Variants in TMX2 observed in about 807,000 individuals in gnomAD.
TMX2 encodes thioredoxin-related transmembrane protein 2.
TMX2 carries 20 observed loss-of-function variants against 33.4 expected under a neutral mutation model. That is an observed-to-expected ratio of 0.60 (90% confidence interval 0.42 to 0.87). The LOEUF (loss-of-function observed/expected upper bound fraction) is 0.87, where lower values mean the gene tolerates loss of function less well. TMX2 is among the 40% of genes least tolerant of loss of function. The probability of loss-of-function intolerance (pLI) is 0.00; values close to 1 mark genes in which losing one functional copy is unlikely to be tolerated. For missense variants in TMX2, 340 were observed against 370.7 expected (o/e 0.92, Z 0.68); for synonymous variants, 166 against 140.7 (o/e 1.18, Z -1.27).
At chr11:57,726,635 T>C (rs1425737017) in intron 1 of TMX2, among the ~76,000 whole-genome samples, 1 of 152,216 alleles carries the variant, frequency 6.6e-6, no homozygotes, top group Non-Finnish European at 1.5e-5. Context: ...ATTATATGAC[T>C]TCTCCTGTGA....
In TMX2 at chr11:57,738,668, A is replaced by G. The variant is rs1346748220; in HGVS notation, c.446A>G (p.Glu149Gly). The change falls in exon 5 of 8, where the codon GAA becomes GGA. Residue 149 changes from glutamate (E) to glycine (G), a missense_variant. Glu to Gly is a moderately conservative substitution (Grantham distance 98, BLOSUM62 -2). This residue lies in a region of TMX2 where 209 missense variants were observed against 241.6 expected (regional missense o/e 0.87). Transcript: ENST00000278422. ...KYFNDKTIDE[E>G]LERDKRVTWI... Reference sequence around the variant, plus strand: ...TTTCTTCCCTGTATTTGGCAGGAGGAACTAGAACGGGACAAGAGGGTCACT... The same window carrying G: ...TTTCTTCCCTGTATTTGGCAGGAGGGACTAGAACGGGACAAGAGGGTCACT... 1 of 1,613,556 alleles carries G rather than the reference A, an allele frequency of 6.2e-7. No homozygotes were observed. Among genetic ancestry groups the G allele is most frequent in the Non-Finnish European group, 8.5e-7 (1 of 1,179,928 alleles).
intron 1 of TMX2, among the ~76,000 whole-genome samples, chr11:57,725,705 C>A (rs921394036): frequency 1.3e-5 from 2 of 151,848 alleles, no homozygotes; most frequent in Non-Finnish European, 2.9e-5. Flanking sequence ...CCACTGCACT[C>A]CAGCCTGGGC....
At chr11:57,723,805 A>AAATAATAATAATAATAATAATAATAAT (rs71061533) in intron 1 of TMX2, among the ~76,000 whole-genome samples, 2 of 142,342 alleles carry the variant, frequency 1.4e-5, no homozygotes. Context: ...TCTGTCTCAA[A>AAATAATAATAATAATAATAATAATAAT]AATAATAATA....
chr11:57,721,431 C>T (rs184319271), intron 1 of TMX2, among the ~76,000 whole-genome samples: 40 of 149,338 alleles, frequency 2.7e-4, no homozygotes, highest in African/African-American at 9.8e-4. Flanking sequence ...TCACCACAAC[C>T]TCAGCCTCCT....
intron 1 of TMX2, among the ~76,000 whole-genome samples, chr11:57,718,887 C>T (rs1329936932): frequency 6.6e-6 from 1 of 151,338 alleles, no homozygotes; most frequent in East Asian, 1.9e-4. Flanking sequence ...TAACTCCTGA[C>T]CTCATGATCC....
chr11:57,721,161 G>C (rs1051424432), intron 1 of TMX2, among the ~76,000 whole-genome samples: 7 of 152,058 alleles, frequency 4.6e-5, no homozygotes, highest in Middle Eastern at 3.4e-3. Context: ...TATTAGCCGG[G>C]TGTGGTGGTG....
At chr11:57,723,276 TCGAGAC>T (rs1447482217) in intron 1 of TMX2, among the ~76,000 whole-genome samples, 1 of 149,494 alleles carries the variant, frequency 6.7e-6, no homozygotes, top group East Asian at 2.0e-4. Context: ...GGTCAGGAGT[TCGAGAC>T]CAGCCTGACC....
intron 1 of TMX2, among the ~76,000 whole-genome samples, chr11:57,722,883 C>T (rs542799500): frequency 5.3e-5 from 8 of 152,218 alleles, no homozygotes; most frequent in Non-Finnish European, 1.0e-4. Flanking sequence ...GAGGCTGAGA[C>T]GGGTGGATCA....
chr11:57,733,527 G>A (rs1417069143), intron 1 of TMX2, among the ~76,000 whole-genome samples: 1 of 151,792 alleles, frequency 6.6e-6, no homozygotes, highest in Non-Finnish European at 1.5e-5. Flanking sequence ...AAAGTGCTGC[G>A]ATTACAGGCG....
intron 1 of TMX2, among the ~76,000 whole-genome samples, chr11:57,733,119 T>C (rs1279621285): frequency 1.3e-5 from 2 of 152,026 alleles, no homozygotes; most frequent in East Asian, 1.9e-4. Context: ...CTGTTGTATA[T>C]GTGGTCTATT....
intron 1 of TMX2, among the ~76,000 whole-genome samples, chr11:57,716,609 G>A (rs1360558846): frequency 7.4e-5 from 10 of 135,446 alleles, no homozygotes; most frequent in African/African-American, 2.5e-4. Flanking sequence ...CTGGCCGGGT[G>A]GGGGGCTGAC....
At chr11:57,715,986 C>T (rs1946971336) in intron 1 of TMX2, among the ~76,000 whole-genome samples, 1 of 152,224 alleles carries the variant, frequency 6.6e-6, no homozygotes, top group South Asian at 2.1e-4. Context: ...CTACTTCTTT[C>T]TACACAGACA....
intron 1 of TMX2, among the ~76,000 whole-genome samples, chr11:57,722,176 A>G (rs1009154019): frequency 6.6e-6 from 1 of 152,062 alleles, no homozygotes; most frequent in South Asian, 2.1e-4. Context: ...ATTTTTAAAA[A>G]TCATTTGTGG....
chr11:57,739,364 T>C, intron 7 of TMX2, 104 bp downstream of exon 7: 1 of 1,262,318 alleles, frequency 7.9e-7, no homozygotes, highest in Non-Finnish European at 1.1e-6. Flanking sequence ...CCCATTAGCT[T>C]TGAGGGTGTG....
At chr11:57,715,383 A>G (rs1320060735) in intron 1 of TMX2, among the ~76,000 whole-genome samples, 1 of 152,040 alleles carries the variant, frequency 6.6e-6, no homozygotes, top group African/African-American at 2.4e-5. Context: ...CCTGGGCAAC[A>G]AGAGCAAAGT....
chr11:57,738,603 G>C (rs1948892600), intron 4 of TMX2, 61 bp from the exon 5 acceptor site: 2 of 1,468,974 alleles, frequency 1.4e-6, no homozygotes, highest in Non-Finnish European at 1.9e-6. Flanking sequence ...AGATGCTAAA[G>C]TCTGAACCTT....
At chr11:57,718,391 C>A (rs1220622835) in intron 1 of TMX2, 10 of 1,437,508 alleles carry the variant, frequency 7.0e-6, no homozygotes, top group South Asian at 6.9e-5. Context: ...GGAACTCTTA[C>A]AACCAAATCC....
intron 1 of TMX2, among the ~76,000 whole-genome samples, chr11:57,713,396 A>G (rs1299575066): frequency 6.6e-6 from 1 of 152,184 alleles, no homozygotes; most frequent in African/African-American, 2.4e-5. Flanking sequence ...GCGAAAGTGG[A>G]TAAAATTTGG....
intron 1 of TMX2, chr11:57,718,581 C>G (rs1646975077): frequency 1.2e-5 from 7 of 568,528 alleles, no homozygotes; most frequent in Non-Finnish European, 2.3e-5. Context: ...CTTTGCCCAA[C>G]TTTTTATATC....
Sources: gnomAD v4.1 joint callset for allele counts (sites outside exome capture counted in the v4.1 genomes callset) on GRCh38, gnomAD v4.1.1 for gene constraint, gnomAD v4.1.1 regional missense constraint, MANE v1.5 for transcripts, NCBI Gene and HGNC (gene_info 2026-07-23, HGNC 2026-07-21) for gene names.